MESP1: variants seen among roughly 807,000 people sequenced by gnomAD.
MESP1 encodes the protein mesoderm posterior protein 1.
In MESP1, 22 loss-of-function variants were observed where a neutral mutation model predicts 15.2. The ratio of observed to expected loss-of-function variants is 1.45; its 90% CI spans 1.04 to 2.07. The LOEUF is 2.07. Ranked by LOEUF, MESP1 falls within the 30% of genes most tolerant of loss-of-function variation. MESP1 has a pLI of 0.00. For synonymous variants in MESP1, 216 were observed against 192.6 expected (o/e 1.12, Z -1.01); for missense variants, 484 against 411.9 (o/e 1.17, Z -1.51).
rs1185215902 is a variant in MESP1, at chr15:89,750,949, T to C, written c.283A>G (p.Met95Val). The change falls in exon 1 of 2, where the codon ATG becomes GTG. Residue 95 changes from methionine to valine, a missense_variant. Transcript: ENST00000300057. Reference sequence around the variant, plus strand: ...TGCAGGGCGCGGGCCAGCGTGCGCATGCGCAGTTTCTCCCGCTCACTGGCG... The same window carrying C: ...TGCAGGGCGCGGGCCAGCGTGCGCACGCGCAGTTTCTCCCGCTCACTGGCG... ...QSASEREKLR[M>V]RTLARALHEL... The C allele has an allele frequency of 1.4e-6, 2 of 1,448,648 alleles. No individual in the cohort carries two copies. Among genetic ancestry groups the C allele is most frequent in the Non-Finnish European group, 1.8e-6 (2 of 1,104,688 alleles). The allele number at this position is 1,448,648 out of a possible 1,614,324, so 89.7% of individuals were successfully genotyped here.
At chr15:89,743,687 C>T in the MESP1 span, 1 of 366,386 alleles carries the variant, frequency 2.7e-6, no homozygotes, top group South Asian at 3.3e-5. Context: ...GCAGTCCAGA[C>T]CCCAGCAGGG....
chr15:89,743,676 C>T, the MESP1 span: 24 of 422,342 alleles, frequency 5.7e-5, no homozygotes, highest in Middle Eastern at 1.4e-3. Flanking sequence ...ATCGTTCCCA[C>T]GCAGTCCAGA....
the MESP1 span, among the ~76,000 whole-genome samples, chr15:89,736,673 T>C: frequency 2.0e-5 from 3 of 151,400 alleles, no homozygotes; most frequent in African/African-American, 7.3e-5. Context: ...TGGAGACGAG[T>C]GGCTGAAGCT....
chr15:89,750,806 G>A lies in MESP1; in HGVS notation c.426C>T (p.Leu142=), dbSNP rs1162321302. 2.0e-6 allele frequency: 3 copies of A among 1,526,760 alleles called. No individual in the cohort carries two copies. Among genetic ancestry groups the A allele is most frequent in the South Asian group, 2.4e-5 (2 of 83,596 alleles). 94.6% of individuals were successfully genotyped at this position (1,526,760 alleles called of 1,614,324 possible). Residue 142 remains leucine, a synonymous_variant, in exon 1 of 2, where the codon CTC becomes CTT. Transcript: ENST00000300057. ...YIGHLSAVLG[L]SEESLQRRCR... Reference sequence around the variant, plus strand: ...ACCGGCGCTGGAGACTCTCCTCGCTGAGGCCTAGCACGGCCGACAGGTGGC... The same window carrying A: ...ACCGGCGCTGGAGACTCTCCTCGCTAAGGCCTAGCACGGCCGACAGGTGGC...
At chr15:89,744,781 G>A in the MESP1 span, among the ~76,000 whole-genome samples, 9 of 152,150 alleles carry the variant, frequency 5.9e-5, no homozygotes, top group Non-Finnish European at 1.0e-4. Context: ...CCAACCCCAG[G>A]TGTTGAGATC....
At chr15:89,746,670 C>T (rs1967964581), downstream of MESP1, among the ~76,000 whole-genome samples, 1 of 148,188 alleles carries the variant, frequency 6.7e-6, no homozygotes, top group African/African-American at 2.5e-5. Context: ...CACACAAACA[C>T]ACACAGCCGC....
downstream of MESP1, among the ~76,000 whole-genome samples, chr15:89,748,345 G>A (rs1596145046): frequency 2.6e-5 from 4 of 152,258 alleles, no homozygotes; most frequent in Admixed American, 2.6e-4. Flanking sequence ...CTGACTTTTG[G>A]AGCCCACTCT....
At chr15:89,749,869 G>A (rs1032000002), downstream of MESP1, 2 of 413,356 alleles carry the variant, frequency 4.8e-6, no homozygotes, top group Non-Finnish European at 9.0e-6. Context: ...AGAAGAAATT[G>A]CCAACTGACA....
At chr15:89,747,840 C>T (rs1051597662), downstream of MESP1, among the ~76,000 whole-genome samples, 7 of 152,222 alleles carry the variant, frequency 4.6e-5, no homozygotes, top group South Asian at 2.1e-4. Flanking sequence ...CACTACCACC[C>T]GGCACGGGGC....
chr15:89,750,984 T>G lies in MESP1; in HGVS notation c.248A>C (p.Gln83Pro), dbSNP rs1483294507. 19 of 1,405,572 alleles carry G rather than the reference T, an allele frequency of 1.4e-5. No homozygotes were observed. Among genetic ancestry groups the G allele is most frequent in the Non-Finnish European group, 9.2e-7 (1 of 1,085,418 alleles). The allele number at this position is 1,405,572 out of a possible 1,614,324, so 87.1% of individuals were successfully genotyped here. ...CTCCCGCTCACTGGCGCTCTGCCTC[T>G]GCCCGCTGCCCAGGCGGCTGCTGCG... ...GARSSRLGSG[Q>P]RQSASEREKL... The change falls in exon 1 of 2, where the codon CAG (glutamine) becomes CCG (proline). Residue 83 changes from glutamine to proline, a missense_variant. Gln to Pro is a moderately conservative substitution (Grantham distance 76). Coordinates refer to ENST00000300057, the MANE Select transcript of MESP1 (RefSeq NM_018670.4).
chr15:89,747,050 GCA>G (rs142029540), downstream of MESP1, among the ~76,000 whole-genome samples: 14 of 105,496 alleles, frequency 1.3e-4, no homozygotes, highest in East Asian at 3.6e-4. Flanking sequence ...ACATGCGCAT[GCA>G]CACACACACA....
chr15:89,750,008 C>A lies in MESP1; in HGVS notation c.*136G>T, dbSNP rs537468564. Reference sequence around the variant, plus strand: ...AGAAGGGCCGCCGCGGTGGGGACGGCTCTCACCCGCAGGAATGCCCCCGTC... The same window carrying A: ...AGAAGGGCCGCCGCGGTGGGGACGGATCTCACCCGCAGGAATGCCCCCGTC... On this transcript the variant is annotated 3_prime_UTR_variant, in exon 2 of 2. Coordinates refer to ENST00000300057, the MANE Select transcript of MESP1 (RefSeq NM_018670.4). 35 of 851,184 alleles carry A rather than the reference C, an allele frequency of 4.1e-5. No homozygotes were observed. The highest frequency in any genetic ancestry group is 2.8e-4 in the Admixed American group (15 of 53,110). 52.7% of individuals were successfully genotyped at this position (851,184 alleles called of 1,614,324 possible).
At chr15:89,739,341 A>G in the MESP1 span, among the ~76,000 whole-genome samples, 2 of 152,142 alleles carry the variant, frequency 1.3e-5, no homozygotes, top group Admixed American at 6.5e-5. Context: ...AGTCTAAATT[A>G]TTTACATTCT....
Position 89,750,951 on chromosome 15 carries a change from C to A in MESP1, c.281G>T (p.Arg94Leu). ...RQSASEREKL[R>L]MRTLARALHE... Reference sequence around the variant, plus strand: ...CAGGGCGCGGGCCAGCGTGCGCATGCGCAGTTTCTCCCGCTCACTGGCGCT... The same window carrying A: ...CAGGGCGCGGGCCAGCGTGCGCATGAGCAGTTTCTCCCGCTCACTGGCGCT... Residue 94 changes from arginine to leucine, a missense_variant, in exon 1 of 2, where the codon CGC (arginine) becomes CTC (leucine). Coordinates refer to ENST00000300057, the MANE Select transcript of MESP1 (RefSeq NM_018670.4). 1.4e-6 allele frequency: 2 copies of A among 1,446,934 alleles called. No homozygotes were observed. The highest frequency in any genetic ancestry group is 1.8e-6 in the Non-Finnish European group (2 of 1,103,892). The allele number at this position is 1,446,934 out of a possible 1,614,324, so 89.6% of individuals were successfully genotyped here.
chr15:89,736,286 C>A, the MESP1 span, among the ~76,000 whole-genome samples: 1 of 152,136 alleles, frequency 6.6e-6, no homozygotes, highest in African/African-American at 2.4e-5. Flanking sequence ...CTTACAGGGC[C>A]CACTTCAGGC....
chr15:89,743,513 T>G, the MESP1 span: 3 of 893,834 alleles, frequency 3.4e-6, no homozygotes, highest in South Asian at 3.1e-5. Context: ...ACTCGGAGTC[T>G]GGGGCCTCTG....
Position 89,750,917 on chromosome 15 carries a change from C to A in MESP1, c.315G>T (p.Leu105=), listed in dbSNP as rs371788632. 57 of 1,481,604 alleles carry A rather than the reference C, an allele frequency of 3.8e-5. No homozygotes were observed. Among genetic ancestry groups the A allele is most frequent in the Non-Finnish European group, 4.6e-5 (52 of 1,120,696 alleles). The allele number at this position is 1,481,604 out of a possible 1,614,324, so 91.8% of individuals were successfully genotyped here. Residue 105 remains leucine (L), a synonymous_variant, in exon 1 of 2, where the codon CTG becomes CTT. Coordinates refer to ENST00000300057, the MANE Select transcript of MESP1 (RefSeq NM_018670.4). ...CCACGGACGGCGGTAGAAAGCGGCG[C>A]AGCTCGTGCAGGGCGCGGGCCAGCG... ...MRTLARALHE[L]RRFLPPSVAP...
the MESP1 span, among the ~76,000 whole-genome samples, chr15:89,738,828 G>A: frequency 6.6e-6 from 1 of 151,216 alleles, no homozygotes; most frequent in Non-Finnish European, 1.5e-5. Flanking sequence ...TTAAAAGTAT[G>A]TTTAGGCCAG....
chr15:89,751,110 T>G lies in MESP1; in HGVS notation c.122A>C (p.Asp41Ala). Reference sequence around the variant, plus strand: ...GTCGGCTGGGGTGCTGCCCCATGAGTCTGGGGACGAGACGAGGGAGCGGCC... The same window carrying G: ...GTCGGCTGGGGTGCTGCCCCATGAGGCTGGGGACGAGACGAGGGAGCGGCC... ...DCGRSLVSSP[D>A]SWGSTPADSP... The change falls in exon 1 of 2, where the codon GAC becomes GCC. Residue 41 changes from aspartate to alanine, a missense_variant. Physicochemically the swap from Asp to Ala is moderately radical, Grantham distance 126. Coordinates refer to ENST00000300057, the MANE Select transcript of MESP1 (RefSeq NM_018670.4). 7.7e-7 allele frequency: 1 copy of G among 1,291,842 alleles called. No homozygotes were observed. The highest frequency in any genetic ancestry group is 9.8e-7 in the Non-Finnish European group (1 of 1,023,402). 80.0% of individuals were successfully genotyped at this position (1,291,842 alleles called of 1,614,324 possible).
Sources: gnomAD v4.1 joint callset for allele counts (sites outside exome capture counted in the v4.1 genomes callset) on GRCh38, gnomAD v4.1.1 for gene constraint, MANE v1.5 for transcripts, NCBI Gene and HGNC (gene_info 2026-07-23, HGNC 2026-07-21) for gene names.